The following PVT1 variants were observed in gnomAD, a reference collection of about 807,000 sequenced individuals.
PVT1 encodes the protein Pvt1 oncogene, also known as CXCR4/PVT1 fusion.
chr8:127,848,375 A>G (rs192228377), intron 2 of PVT1, among the ~76,000 whole-genome samples: 1 of 152,098 alleles, frequency 6.6e-6, no homozygotes, highest in Non-Finnish European at 1.5e-5. Context: ...ACATAGCAAG[A>G]CCTCATCTCT....
intron 3 of PVT1, among the ~76,000 whole-genome samples, chr8:127,970,783 C>A (rs1586461185): frequency 6.6e-6 from 1 of 152,062 alleles, no homozygotes; most frequent in Non-Finnish European, 1.5e-5. Flanking sequence ...AAGTAGGAAA[C>A]CTCAAAAAAC....
intron 4 of PVT1, among the ~76,000 whole-genome samples, chr8:128,059,425 T>C (rs1813803681): frequency 6.6e-6 from 1 of 152,206 alleles, no homozygotes. Context: ...ACAATCCTAG[T>C]GTGAAAAATG....
chr8:128,076,732 T>C (rs910646973), intron 5 of PVT1, among the ~76,000 whole-genome samples: 19 of 152,196 alleles, frequency 1.2e-4, no homozygotes, highest in African/African-American at 4.6e-4. Flanking sequence ...GAGTGATTCA[T>C]TTGGCATTTG....
At chr8:127,901,203 G>A (rs559187908) in intron 3 of PVT1, among the ~76,000 whole-genome samples, 2 of 152,334 alleles carry the variant, frequency 1.3e-5, no homozygotes, top group South Asian at 4.1e-4. Context: ...TGGGGAGTTG[G>A]ATGCACAGTG....
intron 4 of PVT1, among the ~76,000 whole-genome samples, chr8:128,019,650 T>C (rs1227239710): frequency 1.3e-5 from 2 of 152,222 alleles, no homozygotes; most frequent in Non-Finnish European, 2.9e-5. Context: ...AAGTGTGCCA[T>C]TTTTATTTAC....
chr8:127,920,620 A>G (rs924924906), intron 3 of PVT1, among the ~76,000 whole-genome samples: 2 of 152,246 alleles, frequency 1.3e-5, no homozygotes, highest in Non-Finnish European at 2.9e-5. Flanking sequence ...GCTTGTTACT[A>G]CTAGTTGATT....
At chr8:128,053,653 G>C (rs1024911497) in intron 4 of PVT1, among the ~76,000 whole-genome samples, 5 of 152,154 alleles carry the variant, frequency 3.3e-5, no homozygotes, top group African/African-American at 1.2e-4. Flanking sequence ...ATGTTTATGA[G>C]ACAGGAAAGG....
At chr8:127,848,223 G>A (rs968112133) in intron 2 of PVT1, among the ~76,000 whole-genome samples, 3 of 152,076 alleles carry the variant, frequency 2.0e-5, no homozygotes, top group South Asian at 2.1e-4. Context: ...CTATTCACGC[G>A]ACTGATATAA....
At chr8:127,950,855 A>G (rs530815337) in intron 3 of PVT1, among the ~76,000 whole-genome samples, 1 of 152,300 alleles carries the variant, frequency 6.6e-6, no homozygotes, top group South Asian at 2.1e-4. Context: ...CACAGACATT[A>G]TCTCACTCCA....
At chr8:128,028,195 C>G (rs1385192553) in intron 4 of PVT1, among the ~76,000 whole-genome samples, 1 of 152,380 alleles carries the variant, frequency 6.6e-6, no homozygotes, top group African/African-American at 2.4e-5. Flanking sequence ...CAAGCTGGCC[C>G]GAGCGCGCAA....
intron 3 of PVT1, among the ~76,000 whole-genome samples, chr8:127,981,359 G>C (rs893560839): frequency 1.3e-5 from 2 of 152,198 alleles, no homozygotes; most frequent in African/African-American, 4.8e-5. Flanking sequence ...TGCCAGTAGA[G>C]TTCGGCATTT....
chr8:128,018,937 G>T (rs535122329), intron 4 of PVT1, among the ~76,000 whole-genome samples: 7 of 152,222 alleles, frequency 4.6e-5, no homozygotes, highest in African/African-American at 1.2e-4. Context: ...CAGATGAGCC[G>T]CGAGGTTTGT....
At chr8:127,896,706 G>C (rs2129814948) in intron 3 of PVT1, among the ~76,000 whole-genome samples, 1 of 151,628 alleles carries the variant, frequency 6.6e-6, no homozygotes, top group East Asian at 1.9e-4. Flanking sequence ...GTGATTTGCT[G>C]CATCTATCAC....
At chr8:127,907,129 T>C (rs1002419884) in intron 3 of PVT1, among the ~76,000 whole-genome samples, 2 of 152,132 alleles carry the variant, frequency 1.3e-5, no homozygotes, top group Middle Eastern at 3.4e-3. Flanking sequence ...CCCGGCTAAT[T>C]TTTATTTTTA....
chr8:127,861,663 G>A (rs549909984), intron 2 of PVT1, among the ~76,000 whole-genome samples: 4 of 152,054 alleles, frequency 2.6e-5, no homozygotes, highest in African/African-American at 4.8e-5. Context: ...CACCTGTACA[G>A]GAAAGGTACT....
intron 3 of PVT1, among the ~76,000 whole-genome samples, chr8:127,964,310 C>G (rs1210850756): frequency 6.6e-6 from 1 of 152,244 alleles, no homozygotes; most frequent in Admixed American, 6.5e-5. Flanking sequence ...AGAAATAGTT[C>G]CTGGTTATGC....
At chr8:127,835,111 A>G (rs1008884724) in intron 2 of PVT1, among the ~76,000 whole-genome samples, 3 of 152,198 alleles carry the variant, frequency 2.0e-5, no homozygotes, top group Non-Finnish European at 4.4e-5. Flanking sequence ...TACCCAAAAG[A>G]TTATAAATCA....
At chr8:127,854,782 C>T (rs955204530) in intron 2 of PVT1, 40 of 166,572 alleles carry the variant, frequency 2.4e-4, no homozygotes, top group African/African-American at 9.0e-4. Flanking sequence ...ACATCTCCTG[C>T]GTCTTCGTAT....
chr8:128,094,371 A>T (rs1004682463), intron 5 of PVT1, among the ~76,000 whole-genome samples: 20 of 152,358 alleles, frequency 1.3e-4, no homozygotes, highest in Admixed American at 2.6e-4. Flanking sequence ...CATGAAAATT[A>T]TAGGAAATTC....
Sources: allele counts gnomAD v4.1 joint callset (sites outside exome capture counted in the v4.1 genomes callset), GRCh38; gene constraint gnomAD v4.1.1; transcripts MANE v1.5; gene names NCBI Gene and HGNC (gene_info 2026-07-23, HGNC 2026-07-21).